FAR1: variants seen among roughly 807,000 people sequenced by gnomAD.
FAR1 encodes the protein fatty acyl-CoA reductase 1.
In FAR1, 22 loss-of-function variants were observed where a neutral mutation model predicts 61.1. The observed-to-expected ratio is 0.36, with a 90% CI of 0.26 to 0.51. The LOEUF (loss-of-function observed/expected upper bound fraction) is 0.51. FAR1 is among the 20% of genes least tolerant of loss of function. The pLI is 0.95. For missense variants in FAR1, 359 were observed against 626.9 expected (o/e 0.57, Z 4.56); for synonymous variants, 206 against 209.7 (o/e 0.98, Z 0.15).
At chr11:13,717,807 T>A (rs1848571353) in intron 9 of FAR1, among the ~76,000 whole-genome samples, 1 of 152,216 alleles carries the variant, frequency 6.6e-6, no homozygotes, top group African/African-American at 2.4e-5. Flanking sequence ...CAGTAAAACT[T>A]TATTTACAAA....
At chr11:13,685,283 A>ATT (rs930456220) in intron 1 of FAR1, among the ~76,000 whole-genome samples, 2 of 145,118 alleles carry the variant, frequency 1.4e-5, no homozygotes, top group African/African-American at 5.0e-5. Flanking sequence ...TAACTACCTG[A>ATT]TTTTTTTTTT....
chr11:13,714,546 C>T lies in FAR1; in HGVS notation c.993C>T (p.Leu331=), dbSNP rs1274663275. ...HVISTFKRNP[L]EQAFRRPNVN... is the part of the protein sequence containing the mutation. Reference sequence around the variant, plus strand: ...TTTCCACTTTCAAGAGGAATCCTCTCGAACAGGCCTTCAGACGGCCCAATG... The same window carrying T: ...TTTCCACTTTCAAGAGGAATCCTCTTGAACAGGCCTTCAGACGGCCCAATG... The change falls in exon 9 of 12, where the codon CTC becomes CTT. Residue 331 remains leucine (L), a synonymous_variant. Transcript: ENST00000354817. The T allele has an allele frequency of 1.9e-6, 3 of 1,612,264 alleles. No individual in the cohort carries two copies. Among genetic ancestry groups the T allele is most frequent in the Non-Finnish European group, 2.5e-6 (3 of 1,179,322 alleles).
Position 13,719,530 on chromosome 11 carries a change from G to A in FAR1, c.1128-2200G>A, listed in dbSNP as rs565416252. Among the ~76,000 whole-genome samples, 3 of 152,226 alleles carry A rather than the reference G, an allele frequency of 2.0e-5. No homozygotes were observed. In the East Asian group the frequency reaches 5.8e-4, roughly 29 times the overall value. On this transcript the variant is annotated intron_variant, in intron 9 of 11. Transcript: ENST00000354817. ...GTTTACTTGTTTACATAATAATTCT[G>A]AATGTGAGCTAGATAAGCATCTGAC...
intron 4 of FAR1, among the ~76,000 whole-genome samples, chr11:13,710,145 G>C (rs1020126012): frequency 2.6e-5 from 4 of 151,910 alleles, no homozygotes; most frequent in African/African-American, 4.8e-5. Flanking sequence ...GGCCTTTTAT[G>C]CCTTTTGTGT....
chr11:13,677,681 C>G (rs1467704587), intron 1 of FAR1, among the ~76,000 whole-genome samples: 1 of 152,210 alleles, frequency 6.6e-6, no homozygotes, highest in East Asian at 1.9e-4. Context: ...AGTGAGGACC[C>G]TTAGAACAGT....
intron 11 of FAR1, among the ~76,000 whole-genome samples, 157 bp from the exon 12 acceptor site, chr11:13,728,455 A>G (rs573338832): frequency 1.3e-5 from 2 of 152,080 alleles, no homozygotes; most frequent in African/African-American, 4.8e-5. Flanking sequence ...TTCAAGGTAC[A>G]TATCTGTTTT....
intron 4 of FAR1, among the ~76,000 whole-genome samples, chr11:13,708,477 ATACAT>A (rs1044474947): frequency 1.7e-5 from 2 of 118,284 alleles, no homozygotes; most frequent in Non-Finnish European, 3.7e-5. Context: ...ACACACACAC[ATACAT>A]TTATCTCTTT....
intron 8 of FAR1, among the ~76,000 whole-genome samples, chr11:13,713,315 C>T (rs757880735): frequency 2.7e-5 from 4 of 146,654 alleles, no homozygotes; most frequent in Non-Finnish European, 6.0e-5. Context: ...TCGTAGATAC[C>T]TATGGCATGG....
At chr11:13,714,154 TA>T (rs140175533) in intron 8 of FAR1, among the ~76,000 whole-genome samples, 3,721 of 152,092 alleles carry the variant, frequency 0.024, 138 homozygotes, top group African/African-American at 0.086. Context: ...GTAAGTACAG[TA>T]ATAAGAGTCT....
chr11:13,680,170 C>G (rs541261130), intron 1 of FAR1, among the ~76,000 whole-genome samples: 1 of 152,296 alleles, frequency 6.6e-6, no homozygotes, highest in Non-Finnish European at 1.5e-5. Flanking sequence ...AAGGAACCCA[C>G]TGTTATTAGG....
chr11:13,681,213 C>T (rs1848122841), intron 1 of FAR1, among the ~76,000 whole-genome samples: 1 of 152,018 alleles, frequency 6.6e-6, no homozygotes, highest in Non-Finnish European at 1.5e-5. Flanking sequence ...ATCCATGAGT[C>T]CATATTTTTA....
chr11:13,687,762 A>G (rs1402742125), intron 1 of FAR1, among the ~76,000 whole-genome samples: 1 of 152,156 alleles, frequency 6.6e-6, no homozygotes, highest in East Asian at 1.9e-4. Flanking sequence ...ACCATGGAAT[A>G]CTATGCAGCC....
rs1166971601 is a variant in FAR1, at chr11:13,721,984, C to T, written c.1257+125C>T. On this transcript the variant is annotated intron_variant, in intron 10 of 11. Coordinates refer to ENST00000354817, the MANE Select transcript of FAR1 (RefSeq NM_032228.6). The surrounding 1 kb of genome is among the most constrained non-coding windows in gnomAD (Gnocchi z 4.2). ...AAGTAAGCCATTATTTATAGTCTCT[C>T]ATAAAGCTTTAGTCATAATTGTTAG... 1.2e-5 allele frequency: 9 copies of T among 734,814 alleles called. No homozygotes were observed. Among genetic ancestry groups the T allele is most frequent in the Non-Finnish European group, 1.4e-5 (7 of 482,920 alleles). 45.5% of individuals were successfully genotyped at this position (734,814 alleles called of 1,614,324 possible).
intron 1 of FAR1, among the ~76,000 whole-genome samples, chr11:13,685,090 C>T (rs1200976032): frequency 6.6e-6 from 1 of 151,954 alleles, no homozygotes. Context: ...TTGATATGTG[C>T]GTCTTACCTG....
chr11:13,669,050 C>T (rs577855543), intron 1 of FAR1, among the ~76,000 whole-genome samples: 1 of 152,156 alleles, frequency 6.6e-6, no homozygotes. Flanking sequence ...GGGGGACGTA[C>T]GGTGGGGCCT....
At chr11:13,698,176 T>G (rs1433997094) in intron 2 of FAR1, among the ~76,000 whole-genome samples, 2 of 152,166 alleles carry the variant, frequency 1.3e-5, no homozygotes, top group Non-Finnish European at 2.9e-5. Context: ...AAGACTGAAT[T>G]TGTATCTCCA....
At chr11:13,713,234 G>C in intron 8 of FAR1, 2 of 589,898 alleles carry the variant, frequency 3.4e-6, no homozygotes, top group Non-Finnish European at 3.0e-6. Context: ...ATATACTGCT[G>C]TCTATTCTTA....
chr11:13,696,059 C>A (rs569655993), intron 2 of FAR1, among the ~76,000 whole-genome samples: 1 of 152,192 alleles, frequency 6.6e-6, no homozygotes, highest in Admixed American at 6.5e-5. Context: ...AAAGAGTCAT[C>A]AATGGGGCTG....
In FAR1 at chr11:13,721,559, C is replaced by T; in HGVS notation, c.1128-171C>T. On this transcript the variant is annotated intron_variant, in intron 9 of 11. Coordinates refer to ENST00000354817, the MANE Select transcript of FAR1 (RefSeq NM_032228.6). The surrounding 1 kb of genome is among the most constrained non-coding windows in gnomAD (Gnocchi z 4.2). ...CTTTTGGATTTATAAATTGTTCATC[C>T]AAGATGCAGAAATAGTCTTATTCCC... The T allele has an allele frequency of 1.9e-6, 1 of 523,150 alleles. No homozygotes were observed. The highest frequency in any genetic ancestry group is 3.2e-6 in the Non-Finnish European group (1 of 311,232). The allele number at this position is 523,150 out of a possible 1,614,324, so 32.4% of individuals were successfully genotyped here. A position where few individuals can be genotyped will look rare whatever the true frequency, so the allele number is the denominator to read the frequency against.
Sources: gnomAD v4.1 joint callset for allele counts (sites outside exome capture counted in the v4.1 genomes callset) on GRCh38, gnomAD v4.1.1 for gene constraint, Gnocchi (gnomAD v3.1) non-coding constraint, MANE v1.5 for transcripts, NCBI Gene and HGNC (gene_info 2026-07-23, HGNC 2026-07-21) for gene names.